SKAP2: variants seen among roughly 807,000 people sequenced by gnomAD.
SKAP2 encodes src kinase-associated phosphoprotein 2.
SKAP2 carries 28 observed loss-of-function variants against 54.9 expected under a neutral mutation model. The ratio of observed to expected loss-of-function variants is 0.51; its 90% confidence interval spans 0.38 to 0.70. The LOEUF (loss-of-function observed/expected upper bound fraction) is 0.70. SKAP2 is among the 30% of genes least tolerant of loss of function. The pLI, the probability that SKAP2 is intolerant of heterozygous loss-of-function variation, is 0.00. For missense variants in SKAP2, 356 were observed against 424.1 expected, an observed-to-expected ratio of 0.84 and a Z score of 1.41; for synonymous variants, 137 against 134.3, an observed-to-expected ratio of 1.02 and a Z score of -0.14.
At chr7:26,819,190 A>G (rs1784333501) in intron 4 of SKAP2, among the ~76,000 whole-genome samples, 1 of 152,214 alleles carries the variant, frequency 6.6e-6, no homozygotes, top group African/African-American at 2.4e-5. Flanking sequence ...CATCAATGAT[A>G]GACTGGATAA....
At chr7:26,746,496 T>C (rs1782562039) in intron 4 of SKAP2, 1 of 152,024 alleles carries the variant, frequency 6.6e-6, no homozygotes, top group Non-Finnish European at 1.5e-5. Flanking sequence ...TGGATATAAA[T>C]ATTAAATAAA....
chr7:26,658,134 C>T, the SKAP2 span, among the ~76,000 whole-genome samples: 2 of 152,170 alleles, frequency 1.3e-5, no homozygotes. Context: ...TATCCCCTCA[C>T]TTAGGAAAGA....
intron 4 of SKAP2, among the ~76,000 whole-genome samples, chr7:26,811,958 A>G (rs1429734943): frequency 6.6e-6 from 1 of 152,250 alleles, no homozygotes; most frequent in Non-Finnish European, 1.5e-5. Context: ...TTTATATAAC[A>G]TTAAAGTCAC....
the SKAP2 span, among the ~76,000 whole-genome samples, chr7:26,660,469 C>T: frequency 6.6e-6 from 1 of 152,002 alleles, no homozygotes; most frequent in Non-Finnish European, 1.5e-5. Context: ...CCTCAGTATA[C>T]ATCCATTAAA....
At chr7:26,723,220 T>G (rs1787616570) in intron 9 of SKAP2, among the ~76,000 whole-genome samples, 1 of 152,228 alleles carries the variant, frequency 6.6e-6, no homozygotes, top group Non-Finnish European at 1.5e-5. Flanking sequence ...CCTCTAACTC[T>G]GAGACACCTT....
At chr7:26,805,504 A>T (rs979896996) in intron 4 of SKAP2, among the ~76,000 whole-genome samples, 1 of 152,130 alleles carries the variant, frequency 6.6e-6, no homozygotes, top group Non-Finnish European at 1.5e-5. Flanking sequence ...ACTAGGTCAT[A>T]AAAAAATATA....
chr7:26,808,108 G>C (rs1784066586), intron 4 of SKAP2, among the ~76,000 whole-genome samples: 1 of 152,126 alleles, frequency 6.6e-6, no homozygotes, highest in African/African-American at 2.4e-5. Flanking sequence ...CACAGGTTTA[G>C]GGGTAATCTG....
downstream of SKAP2, among the ~76,000 whole-genome samples, chr7:26,666,588 A>G (rs899466083): frequency 1.3e-5 from 2 of 152,176 alleles, no homozygotes; most frequent in African/African-American, 4.8e-5. Context: ...AACATGAAAC[A>G]AAAACGAAAC....
intron 4 of SKAP2, among the ~76,000 whole-genome samples, chr7:26,782,780 G>A (rs1172654670): frequency 6.6e-6 from 1 of 152,128 alleles, no homozygotes; most frequent in Non-Finnish European, 1.5e-5. Flanking sequence ...CATAAAAGAG[G>A]CCCTAGAGAG....
intron 1 of SKAP2, 25 bp downstream of exon 1, chr7:26,864,338 T>G (rs1785329804): frequency 1.2e-6 from 2 of 1,613,358 alleles, no homozygotes; most frequent in Admixed American, 1.7e-5. Flanking sequence ...CCCGACAGCA[T>G]TATCGCCGCC....
Position 26,690,149 on chromosome 7 carries a change from C to T in SKAP2, c.874+136G>A, listed in dbSNP as rs142049180. The stretch of plus-strand genomic sequence containing the variant: ...TCCTAAATGGGACTAAGCAGCTTAT[C>T]AGCCATAAGATATCCAAGCCAAAAA... On this transcript the variant is annotated intron_variant, in intron 10 of 12. Coordinates refer to ENST00000345317, the MANE Select transcript of SKAP2 (RefSeq NM_003930.5). 2.8e-4 allele frequency: 174 copies of T among 625,176 alleles called. 2 individuals are homozygous for T. The highest frequency in any genetic ancestry group is 1.7e-3 in the South Asian group (85 of 49,292). The allele number at this position is 625,176 out of a possible 1,614,324, so 38.7% of individuals were successfully genotyped here. A position where few individuals can be genotyped will look rare whatever the true frequency, so the allele number is the denominator to read the frequency against.
rs533357249 is a variant in SKAP2 at position 26,863,948 on chromosome 7, C to T, written c.67+415G>A. 2.6e-5 allele frequency among the ~76,000 whole-genome samples: 4 copies of T among 152,120 alleles called. No homozygotes were observed. The South Asian group carries it at 8.3e-4, about 32-fold the overall frequency. Reference sequence around the variant, plus strand: ...TCCTCTACCTCCATTGGCCAGACCACCCAAGAACTACTTATTTGACTTCTG... The same window carrying T: ...TCCTCTACCTCCATTGGCCAGACCATCCAAGAACTACTTATTTGACTTCTG... On this transcript the variant is annotated intron_variant, in intron 1 of 12. Transcript: ENST00000345317.
chr7:26,849,364 C>G (rs1023444314), intron 3 of SKAP2, among the ~76,000 whole-genome samples: 2 of 151,926 alleles, frequency 1.3e-5, no homozygotes, highest in African/African-American at 4.8e-5. Context: ...ATCTCTAGCA[C>G]CTGAAGCAGT....
chr7:26,759,037 T>G (rs533902221), intron 4 of SKAP2, among the ~76,000 whole-genome samples: 139 of 152,202 alleles, frequency 9.1e-4, no homozygotes, highest in Non-Finnish European at 1.8e-3. Context: ...AATAATGTAT[T>G]TTTGCTCTAT....
chr7:26,824,348 C>A (rs889133000), intron 4 of SKAP2, among the ~76,000 whole-genome samples: 1 of 152,096 alleles, frequency 6.6e-6, no homozygotes, highest in African/African-American at 2.4e-5. Flanking sequence ...GTAAGGAATA[C>A]AAATTGGAAA....
Position 26,756,290 on chromosome 7 carries a change from T to C in SKAP2, c.308-16326A>G, listed in dbSNP as rs1394794002. 3.3e-5 allele frequency among the ~76,000 whole-genome samples: 5 copies of C among 152,310 alleles called. No homozygotes were observed. In the South Asian group the frequency reaches 1.0e-3, roughly 32 times the overall value. On this transcript the variant is annotated intron_variant, in intron 4 of 12. Coordinates refer to ENST00000345317, the MANE Select transcript of SKAP2 (RefSeq NM_003930.5). Reference sequence around the variant, plus strand: ...TGTGCTGCACCCATTAACTCATCATTTACATTAGGTATATCTCCTAATGCT... The same window carrying C: ...TGTGCTGCACCCATTAACTCATCATCTACATTAGGTATATCTCCTAATGCT...
intron 4 of SKAP2, among the ~76,000 whole-genome samples, chr7:26,840,326 G>T (rs1562631269): frequency 6.6e-6 from 1 of 152,070 alleles, no homozygotes; most frequent in East Asian, 1.9e-4. Flanking sequence ...TCGTCGAGGG[G>T]CAGAGCCAAT....
At chr7:26,836,759 C>A (rs1313053913) in intron 4 of SKAP2, among the ~76,000 whole-genome samples, 1 of 152,138 alleles carries the variant, frequency 6.6e-6, no homozygotes, top group Non-Finnish European at 1.5e-5. Flanking sequence ...TTAGTTCAAC[C>A]ATTGTGGAAG....
intron 4 of SKAP2, among the ~76,000 whole-genome samples, chr7:26,759,475 C>A (rs1782875983): frequency 6.6e-6 from 1 of 152,136 alleles, no homozygotes; most frequent in Non-Finnish European, 1.5e-5. Context: ...TGAGCCCTCT[C>A]TTTATCCCAG....
Sources: allele counts gnomAD v4.1 joint callset (sites outside exome capture counted in the v4.1 genomes callset), GRCh38; gene constraint gnomAD v4.1.1; transcripts MANE v1.5; gene names NCBI Gene and HGNC (gene_info 2026-07-23, HGNC 2026-07-21).